The following HTR4 variants were observed in gnomAD, a reference collection of about 807,000 sequenced individuals.
HTR4 encodes 5-hydroxytryptamine receptor 4.
A neutral mutation model predicts 36.8 loss-of-function variants in HTR4; 16 were observed. The ratio of observed to expected loss-of-function variants is 0.43; its 90% CI spans 0.29 to 0.66. HTR4 has a LOEUF of 0.66. Among genes scored for constraint, HTR4 ranks in the 30% least tolerant of loss-of-function variants. The pLI is 0.13. For missense variants in HTR4, 438 were observed against 490.9 expected (o/e 0.89, Z 1.02); for synonymous variants, 189 against 185.1 (o/e 1.02, Z -0.17).
At chr5:148,550,891 T>C (rs1561614038) in intron 2 of HTR4, among the ~76,000 whole-genome samples, 1 of 152,196 alleles carries the variant, frequency 6.6e-6, no homozygotes, top group Non-Finnish European at 1.5e-5. Flanking sequence ...AGATCATACC[T>C]CTTGGCATTA....
intron 6 of HTR4, among the ~76,000 whole-genome samples, chr5:148,485,191 G>T (rs1442129164): frequency 6.6e-6 from 1 of 152,194 alleles, no homozygotes; most frequent in Non-Finnish European, 1.5e-5. Flanking sequence ...TGCAGCACTG[G>T]TGTGCCAGGC....
intron 5 of HTR4, among the ~76,000 whole-genome samples, chr5:148,461,415 AT>A (rs1755275412): frequency 1.3e-5 from 2 of 152,038 alleles, no homozygotes; most frequent in South Asian, 4.1e-4. Flanking sequence ...GAGTAAATGG[AT>A]GGAGAAATAT....
rs1206810413 is a variant in HTR4 at position 148,509,641 on chromosome 5, G to A, written c.891C>T (p.Phe297=). ...YTVPGQVWTA[F]LWLGYINSGL... is the part of the protein sequence containing the mutation. ...CGGAATTGATATAGCCGAGCCAGAG[G>A]AAAGCAGTCCACACCTGCCCAGGGA... The change falls in exon 6 of 7, where the codon TTC becomes TTT. Residue 297 remains phenylalanine, a synonymous_variant. Coordinates refer to ENST00000377888, the MANE Select transcript of HTR4 (RefSeq NM_000870.7). 5.6e-6 allele frequency: 9 copies of A among 1,614,082 alleles called. No individual in the cohort carries two copies. Among genetic ancestry groups the A allele is most frequent in the African/African-American group, 1.3e-5 (1 of 75,046 alleles).
intron 2 of HTR4, among the ~76,000 whole-genome samples, chr5:148,586,960 G>T (rs566219201): frequency 6.6e-6 from 1 of 152,214 alleles, no homozygotes; most frequent in South Asian, 2.1e-4. Context: ...ATCTGGGGCT[G>T]CACTCTGATG....
chr5:148,653,382 T>G (rs1001271629), intron 1 of HTR4, among the ~76,000 whole-genome samples: 1 of 152,194 alleles, frequency 6.6e-6, no homozygotes, highest in Non-Finnish European at 1.5e-5. Flanking sequence ...CATCCACTTC[T>G]TTCAAAGACA....
At chr5:148,581,438 T>G (rs1561632436) in intron 2 of HTR4, among the ~76,000 whole-genome samples, 1 of 151,866 alleles carries the variant, frequency 6.6e-6, no homozygotes, top group Non-Finnish European at 1.5e-5. Flanking sequence ...AAGAAGCTTT[T>G]CCCCTCTGTT....
intron 2 of HTR4, among the ~76,000 whole-genome samples, chr5:148,630,684 T>C (rs1194960717): frequency 1.3e-5 from 2 of 152,122 alleles, no homozygotes; most frequent in Non-Finnish European, 2.9e-5. Context: ...GTAATAAATA[T>C]CTACCTCTCA....
intron 2 of HTR4, among the ~76,000 whole-genome samples, chr5:148,627,607 A>G (rs894370300): frequency 1.1e-4 from 17 of 152,234 alleles, no homozygotes. Flanking sequence ...TTTGAAATTA[A>G]ATGAAGTCAT....
intron 5 of HTR4, among the ~76,000 whole-genome samples, chr5:148,453,392 T>G (rs909723150): frequency 2.9e-4 from 44 of 152,372 alleles, no homozygotes; most frequent in African/African-American, 1.0e-3. Flanking sequence ...CAGAGCATTC[T>G]TTCAGTGTTA....
At chr5:148,526,571 A>T (rs1758286241) in intron 4 of HTR4, among the ~76,000 whole-genome samples, 1 of 152,228 alleles carries the variant, frequency 6.6e-6, no homozygotes, top group Admixed American at 6.5e-5. Context: ...ACAAGGCCAA[A>T]TTAAGTATCC....
At chr5:148,525,844 TA>T (rs1758242262) in intron 4 of HTR4, among the ~76,000 whole-genome samples, 1 of 152,226 alleles carries the variant, frequency 6.6e-6, no homozygotes, top group Non-Finnish European at 1.5e-5. Flanking sequence ...CATAGGATTT[TA>T]AAAGAGGCAA....
chr5:148,483,934 ATTATTTATTTATTTAT>A (rs146566008), intron 6 of HTR4, among the ~76,000 whole-genome samples: 12,836 of 144,778 alleles, frequency 0.089, 716 homozygotes, highest in Non-Finnish European at 0.12. Context: ...AGTTGATTTT[ATTATTTATTTATTTAT>A]TTATTTATTT....
chr5:148,631,848 G>T (rs2127300901), intron 2 of HTR4, among the ~76,000 whole-genome samples: 1 of 152,194 alleles, frequency 6.6e-6, no homozygotes, highest in East Asian at 1.9e-4. Flanking sequence ...TTTAATTAAT[G>T]TTGTTGCATG....
In HTR4 at chr5:148,654,429, A is replaced by T; in HGVS notation, c.-415T>A. 1 of 985,416 alleles carries T rather than the reference A, an allele frequency of 1.0e-6. No homozygotes were observed. Among genetic ancestry groups the T allele is most frequent in the Non-Finnish European group, 1.2e-6 (1 of 829,964 alleles). 61.0% of individuals were successfully genotyped at this position (985,416 alleles called of 1,614,324 possible). On this transcript the variant is annotated 5_prime_UTR_variant, in exon 1 of 7. Transcript: ENST00000377888. ...ACAGCGGGGGTGCCGCTCTGCCGGC[A>T]GGGCGCACAGGGGAGTGGGCACAGA...
At chr5:148,556,558 T>C (rs957789146) in intron 2 of HTR4, among the ~76,000 whole-genome samples, 17 of 152,140 alleles carry the variant, frequency 1.1e-4, no homozygotes, top group Non-Finnish European at 4.4e-5. Flanking sequence ...CCTCATGGGG[T>C]TCATAGTATG....
intron 2 of HTR4, among the ~76,000 whole-genome samples, chr5:148,589,676 C>T (rs1172205396): frequency 6.6e-6 from 1 of 152,020 alleles, no homozygotes; most frequent in Non-Finnish European, 1.5e-5. Context: ...TTTTGCCATA[C>T]AGAAGATTTA....
At chr5:148,611,045 G>A (rs1293030247) in intron 2 of HTR4, among the ~76,000 whole-genome samples, 3 of 149,554 alleles carry the variant, frequency 2.0e-5, no homozygotes, top group Non-Finnish European at 3.0e-5. Context: ...CCAAATCTAC[G>A]TCTGATTGGT....
At chr5:148,545,999 T>G (rs1036497043) in intron 4 of HTR4, among the ~76,000 whole-genome samples, 1 of 152,170 alleles carries the variant, frequency 6.6e-6, no homozygotes, top group Non-Finnish European at 1.5e-5. Flanking sequence ...GATATTACTT[T>G]GGATGAATGA....
At position 148,600,465 on chromosome 5, in the gene HTR4, C is replaced by G. The variant is rs192032276; in HGVS notation, c.26+36524G>C. Among the ~76,000 whole-genome samples the G allele has an allele frequency of 1.4e-4, 21 of 149,832 alleles. No individual in the cohort carries two copies. In the East Asian group the frequency reaches 4.1e-3, roughly 29 times the overall value. Reference sequence around the variant, plus strand: ...TGACATATTCCTATATGTAGAAAACCCTAAATACTCCAGAAAAAAAATGTT... The same window carrying G: ...TGACATATTCCTATATGTAGAAAACGCTAAATACTCCAGAAAAAAAATGTT... On this transcript the variant is annotated intron_variant, in intron 2 of 6. Coordinates refer to ENST00000377888, the MANE Select transcript of HTR4 (RefSeq NM_000870.7).
Sources: gnomAD v4.1 joint callset for allele counts (sites outside exome capture counted in the v4.1 genomes callset) on GRCh38, gnomAD v4.1.1 for gene constraint, MANE v1.5 for transcripts, NCBI Gene and HGNC (gene_info 2026-07-23, HGNC 2026-07-21) for gene names.